Variants in FAM135A observed in about 807,000 individuals in gnomAD.
The protein encoded by FAM135A is family with sequence similarity 135 member A, also known as protein FAM135A.
A neutral mutation model predicts 146.8 loss-of-function variants in FAM135A; 79 were observed. The observed-to-expected ratio is 0.54, with a 90% confidence interval of 0.45 to 0.65. FAM135A has a LOEUF of 0.65. Ranked by LOEUF, FAM135A falls within the 30% of genes least tolerant of loss-of-function variation. The probability of loss-of-function intolerance (pLI) is 0.00; values close to 1 mark genes in which losing one functional copy is unlikely to be tolerated. For synonymous variants in FAM135A, 562 were observed against 603.6 expected (o/e 0.93, Z 1.01); for missense variants, 1,623 against 1,758.2 (o/e 0.92, Z 1.38).
intron 20 of FAM135A, among the ~76,000 whole-genome samples, chr6:70,538,805 GTTATA>G (rs57363541): frequency 0.19 from 21,500 of 112,552 alleles, 1,858 homozygotes; most frequent in East Asian, 0.28. Context: ...ATTATGTTAT[GTTATA>G]TTATATTATA....
chr6:70,555,733 G>A (rs1800715045), intron 20 of FAM135A, among the ~76,000 whole-genome samples: 1 of 151,822 alleles, frequency 6.6e-6, no homozygotes, highest in Admixed American at 6.6e-5. Context: ...AATGAAGGGG[G>A]GGGAGTCATT....
chr6:70,548,412 T>C (rs761890776), intron 20 of FAM135A, among the ~76,000 whole-genome samples: 1 of 152,208 alleles, frequency 6.6e-6, no homozygotes, highest in African/African-American at 2.4e-5. Flanking sequence ...ATTTAATCAG[T>C]ATCAGAATTT....
At chr6:70,437,530 A>G (rs1773452621) in intron 4 of FAM135A, among the ~76,000 whole-genome samples, 1 of 152,160 alleles carries the variant, frequency 6.6e-6, no homozygotes, top group African/African-American at 2.4e-5. Flanking sequence ...TCCTGAAATA[A>G]TGAAACAACA....
chr6:70,463,546 C>G (rs909511536), intron 5 of FAM135A, among the ~76,000 whole-genome samples: 3 of 152,080 alleles, frequency 2.0e-5, no homozygotes, highest in Non-Finnish European at 4.4e-5. Context: ...AGGTATGAGC[C>G]ACCACTCCTG....
intron 20 of FAM135A, among the ~76,000 whole-genome samples, chr6:70,552,406 G>A (rs1160953688): frequency 6.6e-6 from 1 of 151,596 alleles, no homozygotes; most frequent in Admixed American, 6.6e-5. Flanking sequence ...ATGGCAGCAG[G>A]AGCGGCGGGG....
intron 16 of FAM135A, among the ~76,000 whole-genome samples, chr6:70,531,254 C>G (rs1278045631): frequency 1.3e-5 from 2 of 152,242 alleles, no homozygotes; most frequent in Non-Finnish European, 2.9e-5. Flanking sequence ...TTCCAAAACA[C>G]TGTTGCCTTG....
At chr6:70,470,895 A>G (rs1368594773) in intron 5 of FAM135A, among the ~76,000 whole-genome samples, 1 of 152,228 alleles carries the variant, frequency 6.6e-6, no homozygotes, top group East Asian at 1.9e-4. Context: ...GGTAGATCCT[A>G]TAGTAGAGCT....
At chr6:70,442,731 A>G (rs1774849184) in intron 4 of FAM135A, among the ~76,000 whole-genome samples, 1 of 146,488 alleles carries the variant, frequency 6.8e-6, no homozygotes, top group African/African-American at 2.5e-5. Flanking sequence ...TGAATCCATC[A>G]TATCCCAAAA....
At chr6:70,537,059 C>A (rs924627224) in intron 19 of FAM135A, among the ~76,000 whole-genome samples, 2 of 151,688 alleles carry the variant, frequency 1.3e-5, no homozygotes, top group African/African-American at 4.8e-5. Context: ...CCTCAGCCTC[C>A]GGAGTAGCTG....
chr6:70,532,847 G>A (rs958619514), intron 16 of FAM135A, among the ~76,000 whole-genome samples: 3 of 151,916 alleles, frequency 2.0e-5, no homozygotes, highest in Non-Finnish European at 1.5e-5. Flanking sequence ...CAGGAGAATC[G>A]CTCGAACCCA....
chr6:70,422,212 A>G (rs1581980188), intron 2 of FAM135A, among the ~76,000 whole-genome samples: 1 of 152,076 alleles, frequency 6.6e-6, no homozygotes, highest in African/African-American at 2.4e-5. Context: ...AATTTAGAAG[A>G]CCCTGATAGT....
intron 5 of FAM135A, among the ~76,000 whole-genome samples, chr6:70,473,576 T>C (rs1443365157): frequency 2.6e-5 from 4 of 152,204 alleles, no homozygotes; most frequent in Non-Finnish European, 5.9e-5. Flanking sequence ...CCTTATCCTT[T>C]AATATATTTC....
At chr6:70,558,110 G>A (rs914628416) in intron 21 of FAM135A, among the ~76,000 whole-genome samples, 1 of 152,184 alleles carries the variant, frequency 6.6e-6, no homozygotes, top group Non-Finnish European at 1.5e-5. Flanking sequence ...ACTTCTTCCT[G>A]TATTAACATA....
chr6:70,454,765 A>C (rs1204970602), intron 5 of FAM135A, among the ~76,000 whole-genome samples: 2 of 151,914 alleles, frequency 1.3e-5, no homozygotes, highest in Admixed American at 6.6e-5. Context: ...CCATTGGTCT[A>C]TCTCTCTCTT....
intron 12 of FAM135A, among the ~76,000 whole-genome samples, chr6:70,512,703 G>C (rs1791293483): frequency 6.6e-6 from 1 of 151,670 alleles, no homozygotes; most frequent in South Asian, 2.1e-4. Flanking sequence ...ATATATTCTA[G>C]TTATGGATCC....
intron 12 of FAM135A, among the ~76,000 whole-genome samples, chr6:70,516,036 A>T (rs941597210): frequency 2.6e-5 from 4 of 152,090 alleles, no homozygotes; most frequent in Admixed American, 2.0e-4. Flanking sequence ...TATTTTCCTG[A>T]TGCTTTGCCT....
chr6:70,422,246 G>C (rs868354730), intron 2 of FAM135A, among the ~76,000 whole-genome samples: 6 of 152,166 alleles, frequency 3.9e-5, no homozygotes, highest in Admixed American at 1.3e-4. Context: ...GAACTGACTG[G>C]AGCTAAGTAG....
intron 4 of FAM135A, 127 bp from the exon 5 acceptor site, chr6:70,452,365 A>C (rs1777299065): frequency 1.5e-6 from 1 of 666,006 alleles, no homozygotes; most frequent in Non-Finnish European, 2.5e-6. Context: ...AACAATAGTA[A>C]ATGTTATGGG....
intron 5 of FAM135A, among the ~76,000 whole-genome samples, chr6:70,464,359 C>T (rs924458587): frequency 2.0e-4 from 30 of 152,230 alleles, no homozygotes; most frequent in African/African-American, 5.3e-4. Context: ...AGAAGTTAGA[C>T]GAACATTCAT....
Sources: allele counts gnomAD v4.1 joint callset (sites outside exome capture counted in the v4.1 genomes callset), GRCh38; gene constraint gnomAD v4.1.1; transcripts MANE v1.5; gene names NCBI Gene and HGNC (gene_info 2026-07-23, HGNC 2026-07-21).